The following RNLS variants were observed in gnomAD, a reference collection of about 807,000 sequenced individuals.
RNLS encodes the protein renalase, FAD dependent amine oxidase.
In RNLS, 39 loss-of-function variants were observed where a neutral mutation model predicts 39.8. The observed-to-expected ratio is 0.98, with a 90% CI of 0.76 to 1.28. RNLS has a LOEUF of 1.28. Among genes scored for constraint, RNLS ranks in the 50% most tolerant of loss-of-function variants. The pLI is 0.00. For missense variants in RNLS, 410 were observed against 413.3 expected (o/e 0.99, Z 0.07); for synonymous variants, 147 against 150.7 (o/e 0.98, Z 0.18).
At chr10:88,508,620 C>G (rs1447937990) in intron 4 of RNLS, among the ~76,000 whole-genome samples, 3 of 152,062 alleles carry the variant, frequency 2.0e-5, no homozygotes, top group Non-Finnish European at 4.4e-5. Context: ...GAGAATATTT[C>G]ACATTACTGG....
At chr10:88,266,354 G>C in the RNLS span, among the ~76,000 whole-genome samples, 1 of 152,154 alleles carries the variant, frequency 6.6e-6, no homozygotes, top group Non-Finnish European at 1.5e-5. Flanking sequence ...ACGTTCTTTA[G>C]AGCTTTGGAA....
the RNLS span, among the ~76,000 whole-genome samples, chr10:88,233,315 G>T: frequency 1.3e-5 from 2 of 152,236 alleles, no homozygotes; most frequent in Non-Finnish European, 1.5e-5. Context: ...AGGCTGCTGA[G>T]GGCAAGGAAG....
At chr10:88,174,395 G>A in the RNLS span, among the ~76,000 whole-genome samples, 1 of 152,082 alleles carries the variant, frequency 6.6e-6, no homozygotes, top group African/African-American at 2.4e-5. Flanking sequence ...TTAGCTGTGG[G>A]TTTGTCATAT....
At position 88,463,710 on chromosome 10, in the gene RNLS, T is replaced by C. The variant is rs569658988; in HGVS notation, c.527-100985A>G. Among the ~76,000 whole-genome samples the C allele has an allele frequency of 1.3e-4, 20 of 152,154 alleles. No homozygotes were observed. The South Asian group carries it at 1.9e-3, about 14-fold the overall frequency. ...TAGTAACTCAGGGCATTCAAACATA[T>C]AATAAATAATTTTTTTCAATGTTAA... On this transcript the variant is annotated intron_variant, in intron 4 of 6. Coordinates refer to ENST00000331772, the MANE Select transcript of RNLS (RefSeq NM_001031709.3).
At chr10:88,404,586 T>C (rs550442674) in intron 4 of RNLS, among the ~76,000 whole-genome samples, 6 of 151,978 alleles carry the variant, frequency 3.9e-5, no homozygotes, top group African/African-American at 4.8e-5. Context: ...AGTTAGAAGA[T>C]GAGGAAAACA....
At chr10:88,475,349 A>G (rs1589857242) in intron 4 of RNLS, among the ~76,000 whole-genome samples, 1 of 152,322 alleles carries the variant, frequency 6.6e-6, no homozygotes, top group South Asian at 2.1e-4. Context: ...AAAATAAGGA[A>G]GCCCAATCTA....
chr10:88,538,514 TA>T (rs1298011605), intron 4 of RNLS, among the ~76,000 whole-genome samples: 1 of 152,132 alleles, frequency 6.6e-6, no homozygotes, highest in Non-Finnish European at 1.5e-5. Flanking sequence ...CAGAAAAGCG[TA>T]AAAGTAAAAC....
downstream of RNLS, among the ~76,000 whole-genome samples, chr10:88,273,309 T>G (rs990819597): frequency 1.3e-5 from 2 of 152,152 alleles, no homozygotes; most frequent in African/African-American, 4.8e-5. Context: ...GAAATGAAAA[T>G]TTTTTAAAAT....
chr10:88,376,178 C>T (rs1850980614), intron 4 of RNLS, among the ~76,000 whole-genome samples: 1 of 152,012 alleles, frequency 6.6e-6, no homozygotes, highest in Non-Finnish European at 1.5e-5. Context: ...TGGGGGCTGT[C>T]TTTAGGAAGA....
chr10:88,571,992 G>A lies in RNLS; in HGVS notation c.526+911C>T, dbSNP rs1849865939. Among the ~76,000 whole-genome samples the A allele has an allele frequency of 2.0e-5, 3 of 152,260 alleles. No individual in the cohort carries two copies. The South Asian group carries it at 6.2e-4, about 32-fold the overall frequency. On this transcript the variant is annotated intron_variant, in intron 4 of 6. Coordinates refer to ENST00000331772, the MANE Select transcript of RNLS (RefSeq NM_001031709.3). ...TCATCTGTGCTGAGTCAAAGTGGCAGGAAAAAGATGTCTGTGGATTTATCA... is the reference window on the plus strand; with the variant it reads ...TCATCTGTGCTGAGTCAAAGTGGCAAGAAAAAGATGTCTGTGGATTTATCA...
chr10:88,420,359 G>C (rs924741002), intron 4 of RNLS, among the ~76,000 whole-genome samples: 1 of 152,072 alleles, frequency 6.6e-6, no homozygotes, highest in Non-Finnish European at 1.5e-5. Context: ...TAGTTTTCTA[G>C]GTCTATTGTA....
intron 4 of RNLS, among the ~76,000 whole-genome samples, chr10:88,453,762 G>A (rs1842474362): frequency 6.6e-6 from 1 of 152,150 alleles, no homozygotes; most frequent in African/African-American, 2.4e-5. Context: ...TTCTTTCTAA[G>A]TTCTTCCTCT....
At chr10:88,379,236 A>ATAAC (rs1564748399) in intron 4 of RNLS, among the ~76,000 whole-genome samples, 1 of 152,222 alleles carries the variant, frequency 6.6e-6, no homozygotes, top group African/African-American at 2.4e-5. Flanking sequence ...AATTAAATTA[A>ATAAC]TAACAGGGAA....
At chr10:88,371,896 T>C (rs1007441261) in intron 4 of RNLS, among the ~76,000 whole-genome samples, 6 of 152,158 alleles carry the variant, frequency 3.9e-5, no homozygotes, top group African/African-American at 1.4e-4. Context: ...ATTGGTGTTA[T>C]AGGACAATAA....
At chr10:88,464,741 C>G (rs1843109789) in intron 4 of RNLS, among the ~76,000 whole-genome samples, 1 of 143,494 alleles carries the variant, frequency 7.0e-6, no homozygotes, top group African/African-American at 2.8e-5. Flanking sequence ...TCATAAAACA[C>G]TAACAGCAAA....
intron 6 of RNLS, among the ~76,000 whole-genome samples, chr10:88,277,876 A>T (rs1358782240): frequency 6.6e-6 from 1 of 152,168 alleles, no homozygotes; most frequent in Non-Finnish European, 1.5e-5. Flanking sequence ...TATTCCTTTA[A>T]GGTAGTATCC....
chr10:88,533,016 A>G (rs1379619068), intron 4 of RNLS, among the ~76,000 whole-genome samples: 1 of 152,086 alleles, frequency 6.6e-6, no homozygotes, highest in African/African-American at 2.4e-5. Flanking sequence ...TTATTGAATT[A>G]TTCTGTCATA....
intron 1 of RNLS, 148 bp downstream of exon 1, chr10:88,582,925 C>CTCGGCGCATGG (rs1023207960): frequency 1.2e-5 from 11 of 921,536 alleles, no homozygotes; most frequent in Non-Finnish European, 1.7e-5. Context: ...AGGCGCGCCA[C>CTCGGCGCATGG]TCGGCGCATG....
intron 4 of RNLS, among the ~76,000 whole-genome samples, chr10:88,431,092 C>G (rs1278280060): frequency 6.6e-6 from 1 of 151,640 alleles, no homozygotes; most frequent in African/African-American, 2.4e-5. Flanking sequence ...TCCAATTAAA[C>G]TATATGTCCT....
Sources: allele counts gnomAD v4.1 joint callset (sites outside exome capture counted in the v4.1 genomes callset), GRCh38; gene constraint gnomAD v4.1.1; transcripts MANE v1.5; gene names NCBI Gene and HGNC (gene_info 2026-07-23, HGNC 2026-07-21).